Variants in AFF3 observed in about 807,000 individuals in gnomAD.
AFF3 encodes the protein AF4/FMR2 family member 3.
AFF3 carries 32 observed loss-of-function variants against 129.7 expected under a neutral mutation model. The ratio of observed to expected loss-of-function variants is 0.25; its 90% CI spans 0.19 to 0.33. AFF3 has a LOEUF of 0.33. Among genes scored for constraint, AFF3 ranks in the 10% least tolerant of loss-of-function variants. AFF3 has a pLI of 1.00. For synonymous variants in AFF3, 644 were observed against 635.4 expected (o/e 1.01, Z -0.20); for missense variants, 1,373 against 1,592.0 (o/e 0.86, Z 2.34).
At chr2:99,916,796 T>C (rs2106225588) in intron 7 of AFF3, among the ~76,000 whole-genome samples, 1 of 152,130 alleles carries the variant, frequency 6.6e-6, no homozygotes, top group African/African-American at 2.4e-5. Flanking sequence ...AGGTCATCAA[T>C]TCTGGTTGTC....
At chr2:99,601,712 G>T (rs1679858965) in intron 13 of AFF3, 91 bp from the exon 14 acceptor site, 1 of 1,436,768 alleles carries the variant, frequency 7.0e-7, no homozygotes, top group African/African-American at 1.4e-5. Context: ...GCACCCTAAA[G>T]AGGGAGGAGG....
chr2:100,061,529 AAAC>A (rs1016707006), intron 4 of AFF3, among the ~76,000 whole-genome samples: 10 of 152,214 alleles, frequency 6.6e-5, no homozygotes, highest in African/African-American at 2.4e-4. Context: ...GATGTTTAAC[AAAC>A]AACAGGAGTC....
In AFF3 at chr2:99,601,684, A is replaced by G. The variant is rs1679856549; in HGVS notation, c.1185-63T>C. ...GAAAGCCAAGTGAGCAAACAGGAAAACACCACCAAGCTGTCATGCACCCTA... is the reference window on the plus strand; with the variant it reads ...GAAAGCCAAGTGAGCAAACAGGAAAGCACCACCAAGCTGTCATGCACCCTA... On this transcript the variant is annotated intron_variant, in intron 13 of 24. Coordinates refer to ENST00000672756, the MANE Select transcript of AFF3 (RefSeq NM_001386135.1). 2.6e-6 allele frequency: 4 copies of G among 1,545,214 alleles called. No homozygotes were observed. In the Admixed American group the frequency reaches 5.4e-5, roughly 21 times the overall value.
chr2:100,125,297 T>C (rs1383886523), intron 2 of AFF3, among the ~76,000 whole-genome samples: 1 of 152,080 alleles, frequency 6.6e-6, no homozygotes. Context: ...TGGAGCTATA[T>C]CCTCAATTTT....
At chr2:99,649,266 A>G (rs1194548951) in intron 13 of AFF3, among the ~76,000 whole-genome samples, 3 of 152,238 alleles carry the variant, frequency 2.0e-5, no homozygotes, top group Non-Finnish European at 4.4e-5. Context: ...TGATATGGAA[A>G]AAGTCTGAAG....
intron 7 of AFF3, among the ~76,000 whole-genome samples, chr2:99,988,378 C>T (rs913149508): frequency 1.3e-5 from 2 of 152,110 alleles, no homozygotes; most frequent in African/African-American, 4.8e-5. Flanking sequence ...GTTAGGGGGA[C>T]AACAGTCAAG....
intron 13 of AFF3, among the ~76,000 whole-genome samples, chr2:99,615,652 G>A (rs770590415): frequency 5.9e-5 from 9 of 152,360 alleles, no homozygotes; most frequent in Admixed American, 1.3e-4. Flanking sequence ...TCTGGTGGGC[G>A]TGTGGGAGCC....
intron 13 of AFF3, among the ~76,000 whole-genome samples, chr2:99,602,694 T>C (rs1305753262): frequency 6.6e-6 from 1 of 152,210 alleles, no homozygotes; most frequent in Admixed American, 6.5e-5. Flanking sequence ...CCAGTGCTTC[T>C]ATAGGACCGA....
At chr2:99,913,712 A>G (rs1235570926) in intron 7 of AFF3, among the ~76,000 whole-genome samples, 1 of 152,178 alleles carries the variant, frequency 6.6e-6, no homozygotes, top group African/African-American at 2.4e-5. Flanking sequence ...AAATGATTCT[A>G]GAACATCTTG....
intron 7 of AFF3, among the ~76,000 whole-genome samples, chr2:99,965,565 A>T (rs1339581809): frequency 2.0e-5 from 3 of 152,234 alleles, no homozygotes; most frequent in African/African-American, 7.2e-5. Flanking sequence ...TTTTCCTCTA[A>T]GCCCGCCAAG....
chr2:100,001,751 C>T (rs1489766382), intron 7 of AFF3, among the ~76,000 whole-genome samples: 1 of 152,218 alleles, frequency 6.6e-6, no homozygotes, highest in South Asian at 2.1e-4. Flanking sequence ...TTTAAGACCC[C>T]AATGGCCAAA....
intron 4 of AFF3, among the ~76,000 whole-genome samples, chr2:100,026,818 A>G (rs997657351): frequency 6.6e-6 from 1 of 151,492 alleles, no homozygotes; most frequent in Non-Finnish European, 1.5e-5. Flanking sequence ...TTCTAAGTGA[A>G]GTAACTCAGG....
At chr2:99,594,879 C>T (rs935009647) in intron 14 of AFF3, among the ~76,000 whole-genome samples, 1 of 152,190 alleles carries the variant, frequency 6.6e-6, no homozygotes, top group African/African-American at 2.4e-5. Context: ...ATTTGTGCAT[C>T]TTTGGCAGCC....
At chr2:99,820,875 T>C (rs1358453664) in intron 8 of AFF3, among the ~76,000 whole-genome samples, 8 of 128,862 alleles carry the variant, frequency 6.2e-5, no homozygotes, top group African/African-American at 1.4e-4. Context: ...CACATCTTTT[T>C]TTTTTTTTTT....
At chr2:99,985,753 G>A (rs188905653) in intron 7 of AFF3, among the ~76,000 whole-genome samples, 1 of 152,182 alleles carries the variant, frequency 6.6e-6, no homozygotes, top group South Asian at 2.1e-4. Flanking sequence ...ATCACAAGGA[G>A]GGGGCACAGG....
chr2:100,105,215 C>T, intron 3 of AFF3: 1 of 818,170 alleles, frequency 1.2e-6, no homozygotes, highest in South Asian at 2.2e-5. Flanking sequence ...GCCCAGAATC[C>T]ACTTGACCCT....
chr2:100,051,560 C>T (rs1686338731), intron 4 of AFF3, among the ~76,000 whole-genome samples: 1 of 152,184 alleles, frequency 6.6e-6, no homozygotes, highest in Non-Finnish European at 1.5e-5. Flanking sequence ...GAGCATCTTG[C>T]TAGTCCCCTT....
At chr2:99,640,132 CA>C (rs890392745) in intron 13 of AFF3, among the ~76,000 whole-genome samples, 15 of 152,236 alleles carry the variant, frequency 9.9e-5, no homozygotes, top group African/African-American at 3.4e-4. Context: ...AAACATATTT[CA>C]AAATAGGGAT....
intron 7 of AFF3, among the ~76,000 whole-genome samples, chr2:99,876,580 T>C (rs1223375882): frequency 6.6e-6 from 1 of 152,122 alleles, no homozygotes; most frequent in Non-Finnish European, 1.5e-5. Context: ...CTCCACTCTT[T>C]ACATAGAACC....
Sources: gnomAD v4.1 joint callset for allele counts (sites outside exome capture counted in the v4.1 genomes callset) on GRCh38, gnomAD v4.1.1 for gene constraint, MANE v1.5 for transcripts, NCBI Gene and HGNC (gene_info 2026-07-23, HGNC 2026-07-21) for gene names.